FAM120B: variants seen among roughly 807,000 people sequenced by gnomAD.
FAM120B encodes constitutive coactivator of peroxisome proliferator-activated receptor gamma.
Under a neutral mutation model 96.3 loss-of-function variants are expected in FAM120B, and 83 were observed. The ratio of observed to expected loss-of-function variants is 0.86; its 90% CI spans 0.72 to 1.03. FAM120B has a LOEUF of 1.03. FAM120B is among the 50% of genes least tolerant of loss of function. The pLI, the probability that FAM120B is intolerant of heterozygous loss-of-function variation, is 0.00. For missense variants in FAM120B, 1,027 were observed against 1,121.2 expected, an observed-to-expected ratio of 0.92 and a Z score of 1.20; for synonymous variants, 407 against 402.7, an observed-to-expected ratio of 1.01 and a Z score of -0.13.
At chr6:170,361,511 G>A (rs80188454) in intron 6 of FAM120B, among the ~76,000 whole-genome samples, 1,533 of 152,108 alleles carry the variant, frequency 0.01, 16 homozygotes, top group South Asian at 0.018. Context: ...TGCACGTGAC[G>A]GGAGGCTGCT....
intron 4 of FAM120B, among the ~76,000 whole-genome samples, chr6:170,335,803 A>G (rs138898792): frequency 3.3e-4 from 50 of 152,342 alleles, no homozygotes; most frequent in African/African-American, 1.2e-3. Flanking sequence ...TCTAATGACC[A>G]GTGATGATGA....
chr6:170,317,727 T>G lies in FAM120B; in HGVS notation c.337T>G (p.Ser113Ala). ...KRRLKNNREI[S>A]RIFHYIKSHK... ...AAGGCTCAAGAACAACAGGGAGATA[T>G]CCAGGATTTTTCATTACATCAAGTC... Residue 113 changes from serine (S) to alanine (A), a missense_variant, in exon 2 of 11, where the codon TCC becomes GCC. Coordinates refer to ENST00000476287, the MANE Select transcript of FAM120B (RefSeq NM_032448.3). 1.9e-6 allele frequency: 3 copies of G among 1,614,094 alleles called. No homozygotes were observed. The highest frequency in any genetic ancestry group is 2.5e-6 in the Non-Finnish European group (3 of 1,179,988).
chr6:170,365,285 C>T (rs1276594014), intron 6 of FAM120B, among the ~76,000 whole-genome samples: 2 of 152,180 alleles, frequency 1.3e-5, no homozygotes, highest in East Asian at 1.9e-4. Flanking sequence ...ACATGGAGGA[C>T]GAGGATTCAT....
chr6:170,318,019 A>C lies in FAM120B; in HGVS notation c.629A>C (p.Lys210Thr). The C allele has an allele frequency of 3.1e-6, 5 of 1,613,994 alleles. No homozygotes were observed. The highest frequency in any genetic ancestry group is 4.2e-6 in the Non-Finnish European group (5 of 1,179,908). ...GACACCGTCATGCTCTGCAGAGAGAAGCTCTGTGAGAGTCTGGGCCTCTGT... is the reference window on the plus strand; with the variant it reads ...GACACCGTCATGCTCTGCAGAGAGACGCTCTGTGAGAGTCTGGGCCTCTGT... ...SLDTVMLCRE[K>T]LCESLGLCVA... The change falls in exon 2 of 11, where the codon AAG (lysine) becomes ACG (threonine). Residue 210 changes from lysine to threonine, a missense_variant. By Grantham distance (78) the Lys-to-Thr change is moderately conservative. Coordinates refer to ENST00000476287, the MANE Select transcript of FAM120B (RefSeq NM_032448.3).
At position 170,366,775 on chromosome 6, in the gene FAM120B, T is replaced by C. The variant is rs752750630; in HGVS notation, c.2283+8457T>C. Among the ~76,000 whole-genome samples, 35 of 152,174 alleles carry C rather than the reference T, an allele frequency of 2.3e-4. 1 individual carries two copies. The highest frequency in any genetic ancestry group is 1.8e-3 in the Admixed American group (28 of 15,284). On this transcript the variant is annotated intron_variant, in intron 6 of 10. Coordinates refer to ENST00000476287, the MANE Select transcript of FAM120B (RefSeq NM_032448.3). ...CAAATGAGTACTTTGTCGGCATGAG[T>C]ACACAAAGTGAACAGTGTTCTGGGC...
chr6:170,296,610 A>T (rs2114975494), intron 1 of FAM120B, among the ~76,000 whole-genome samples: 1 of 151,708 alleles, frequency 6.6e-6, no homozygotes, highest in African/African-American at 2.4e-5. Context: ...GACGGCGCAC[A>T]CCTCGGAGCC....
At position 170,348,142 on chromosome 6, in the gene FAM120B, C is replaced by G; in HGVS notation, c.2018-9C>G. The G allele has an allele frequency of 6.2e-7, 1 of 1,601,510 alleles. No homozygotes were observed. Among genetic ancestry groups the G allele is most frequent in the Non-Finnish European group, 8.5e-7 (1 of 1,175,582 alleles). On this transcript the variant is annotated splice_polypyrimidine_tract_variant and intron_variant, in intron 4 of 10. Transcript: ENST00000476287. Reference sequence around the variant, plus strand: ...GAACAATAGTTAATGGACTTTTTTTCTTAACTAGGGGGAACGCCTAGTTTG... The same window carrying G: ...GAACAATAGTTAATGGACTTTTTTTGTTAACTAGGGGGAACGCCTAGTTTG...
chr6:170,392,096 AGAT>A (rs1790510059), intron 8 of FAM120B, among the ~76,000 whole-genome samples: 2 of 152,346 alleles, frequency 1.3e-5, no homozygotes, highest in South Asian at 4.1e-4. Flanking sequence ...GTGGAATCAT[AGAT>A]TGAAATATAA....
chr6:170,348,048 G>A, intron 4 of FAM120B, 103 bp from the exon 5 acceptor site: 2 of 962,354 alleles, frequency 2.1e-6, no homozygotes, highest in Non-Finnish European at 3.1e-6. Flanking sequence ...TTTTACATCA[G>A]GAAGGGAAGA....
rs1784972112 is a variant in FAM120B at position 170,317,511 on chromosome 6, A to G, written c.121A>G (p.Ile41Val). The G allele has an allele frequency of 1.2e-6, 2 of 1,614,222 alleles. No homozygotes were observed. Among genetic ancestry groups the G allele is most frequent in the Non-Finnish European group, 1.7e-6 (2 of 1,180,036 alleles). ...RSKYPGCTPT[I>V]VVDAMCCLRY... ...CAAGTATCCTGGATGTACCCCTACC[A>G]TTGTGGTTGATGCCATGTGTTGTCT... The change falls in exon 2 of 11, where the codon ATT becomes GTT. Residue 41 changes from isoleucine (I) to valine (V), a missense_variant. This residue lies in a region of FAM120B where 880 missense variants were observed against 980.9 expected (regional missense o/e 0.90). Coordinates refer to ENST00000476287, the MANE Select transcript of FAM120B (RefSeq NM_032448.3).
chr6:170,348,238 A>G lies in FAM120B; in HGVS notation c.2105A>G (p.Asn702Ser), dbSNP rs777137854. The G allele has an allele frequency of 2.7e-5, 43 of 1,614,096 alleles. No homozygotes were observed. Among genetic ancestry groups the G allele is most frequent in the Non-Finnish European group, 3.4e-5 (40 of 1,179,990 alleles). ...RRLDTLLACF[N>S]LSSSREELQA... is the part of the protein sequence containing the mutation. ...TTGGACACACTCCTAGCCTGTTTCA[A>G]TCTTTCCTCCTCAAGAGAAGAGCTG... Residue 702 changes from asparagine (N) to serine (S), a missense_variant, in exon 5 of 11, where the codon AAT becomes AGT. Physicochemically the swap from Asn to Ser is conservative, Grantham distance 46. Transcript: ENST00000476287.
intron 6 of FAM120B, among the ~76,000 whole-genome samples, chr6:170,381,665 C>T (rs1379818209): frequency 6.6e-6 from 1 of 152,022 alleles, no homozygotes; most frequent in East Asian, 1.9e-4. Context: ...ATTAATTATA[C>T]ACTATGACCA....
chr6:170,400,292 T>C (rs1778482356), intron 9 of FAM120B, among the ~76,000 whole-genome samples: 1 of 151,710 alleles, frequency 6.6e-6, no homozygotes, highest in Non-Finnish European at 1.5e-5. Context: ...GCCTTAGGAG[T>C]GAGTGGGGAA....
chr6:170,352,148 T>C (rs1335514541), intron 5 of FAM120B, among the ~76,000 whole-genome samples: 2 of 152,150 alleles, frequency 1.3e-5, no homozygotes, highest in African/African-American at 4.8e-5. Flanking sequence ...TCCTAGTTTC[T>C]GACAAAACAG....
intron 1 of FAM120B, among the ~76,000 whole-genome samples, chr6:170,315,093 G>GT (rs1784820573): frequency 6.6e-6 from 1 of 152,168 alleles, no homozygotes; most frequent in Non-Finnish European, 1.5e-5. Context: ...GCTGTTCCTT[G>GT]TTTTTTCCTT....
In FAM120B at chr6:170,295,878, TGCGAGCA is replaced by T. The variant is rs1337291494; in HGVS notation, c.48+429_48+435del. On this transcript the variant is annotated intron_variant, in intron 1 of 10. Coordinates refer to the FAM120B transcript ENST00000537664. The surrounding 1 kb of genome is among the most constrained non-coding windows in gnomAD (Gnocchi z 7.8). ...AGCCCGGGGCCGAGGCCAGGCCCGCTGCGAGCAGCGGAGGCATGTGCTGATTTGCATG... is the reference window on the plus strand; with the variant it reads ...AGCCCGGGGCCGAGGCCAGGCCCGCTGCGGAGGCATGTGCTGATTTGCATG... Among the ~76,000 whole-genome samples the T allele has an allele frequency of 6.6e-6, 1 of 151,774 alleles. No individual in the cohort carries two copies. The highest frequency in any genetic ancestry group is 1.5e-5 in the Non-Finnish European group (1 of 67,894).
In FAM120B at chr6:170,348,340, C is replaced by T. The variant is rs765276164; in HGVS notation, c.2190+17C>T. On this transcript the variant is annotated intron_variant, in intron 5 of 10. Transcript: ENST00000476287. ...TTTGTCCAGGTAATGTCCAGCTGCC[C>T]GTTCTAGTCACTGCAGCCTGCGCTT... 31 of 1,610,284 alleles carry T rather than the reference C, an allele frequency of 1.9e-5. 1 individual carries two copies. In the South Asian group the frequency reaches 2.6e-4, roughly 14 times the overall value.
At chr6:170,396,593 C>T (rs1242580460) in intron 9 of FAM120B, among the ~76,000 whole-genome samples, 1 of 152,172 alleles carries the variant, frequency 6.6e-6, no homozygotes, top group African/African-American at 2.4e-5. Flanking sequence ...CCCACCGAGT[C>T]GTGCAGTCAC....
intron 4 of FAM120B, among the ~76,000 whole-genome samples, chr6:170,345,297 C>G (rs1396679380): frequency 2.0e-5 from 3 of 152,188 alleles, no homozygotes; most frequent in Admixed American, 6.5e-5. Flanking sequence ...GTTTGTTACT[C>G]TCTTTGACCT....
Sources: allele counts gnomAD v4.1 joint callset (sites outside exome capture counted in the v4.1 genomes callset), GRCh38; gene constraint gnomAD v4.1.1; regional missense constraint gnomAD v4.1.1; non-coding constraint Gnocchi (gnomAD v3.1); transcripts MANE v1.5; gene names NCBI Gene and HGNC (gene_info 2026-07-23, HGNC 2026-07-21).